Variants in SLC45A4 observed in about 807,000 individuals in gnomAD.
SLC45A4 encodes the protein solute carrier family 45 member 4.
A neutral mutation model predicts 63.7 loss-of-function variants in SLC45A4; 32 were observed. That is an observed-to-expected ratio of 0.50 (90% CI 0.38 to 0.67). The LOEUF is 0.67. SLC45A4 is among the 30% of genes least tolerant of loss of function. The pLI is 0.00. For missense variants in SLC45A4, 1,027 were observed against 1,157.7 expected, an observed-to-expected ratio of 0.89 and a Z score of 1.64; for synonymous variants, 535 against 510.0, an observed-to-expected ratio of 1.05 and a Z score of -0.66.
In SLC45A4 at chr8:141,221,601, G is replaced by T; in HGVS notation, c.406C>A (p.Leu136Ile). 2 of 1,613,452 alleles carry T rather than the reference G, an allele frequency of 1.2e-6. No homozygotes were observed. ...LCVGVLFGVA[L>I]FLNGSAIGLA... ...CCGATGGCAGAGCCGTTAAGGAAAA[G>T]TGCAACGCCAAAGAGGACGCCAACG... The change falls in exon 3 of 9, where the codon CTT becomes ATT. Residue 136 changes from leucine to isoleucine, a missense_variant. Coordinates refer to ENST00000517878, the MANE Select transcript of SLC45A4 (RefSeq NM_001286646.2).
chr8:141,274,272 G>A (rs554291902), intron 1 of SLC45A4, among the ~76,000 whole-genome samples: 51 of 152,006 alleles, frequency 3.4e-4, no homozygotes, highest in South Asian at 1.9e-3. Context: ...GGTAGCTCAC[G>A]CCTGTAATCC....
chr8:141,228,617 C>T, intron 2 of SLC45A4: 1 of 1,095,052 alleles, frequency 9.1e-7, no homozygotes, highest in Non-Finnish European at 1.1e-6. Flanking sequence ...GATGTTGCAA[C>T]AAGCAAACAT....
intron 2 of SLC45A4, among the ~76,000 whole-genome samples, chr8:141,235,681 T>TA (rs1436141956): frequency 6.6e-6 from 1 of 151,994 alleles, no homozygotes; most frequent in Non-Finnish European, 1.5e-5. Context: ...TGCTCCGAGG[T>TA]AAAAAACAAA....
chr8:141,223,506 C>T (rs563394638), intron 2 of SLC45A4, among the ~76,000 whole-genome samples: 14 of 152,336 alleles, frequency 9.2e-5, no homozygotes, highest in Non-Finnish European at 1.9e-4. Flanking sequence ...GCAGACTGTA[C>T]CAATGTATGT....
At chr8:141,248,547 G>A (rs1828322546) in intron 2 of SLC45A4, among the ~76,000 whole-genome samples, 1 of 152,058 alleles carries the variant, frequency 6.6e-6, no homozygotes, top group South Asian at 2.1e-4. Flanking sequence ...TTCAGCCTGG[G>A]AAACAGAGTC....
At position 141,256,577 on chromosome 8, in the gene SLC45A4, G is replaced by A. The variant is rs1055816406; in HGVS notation, c.-400-1948C>T. On this transcript the variant is annotated intron_variant, in intron 1 of 8. Coordinates refer to ENST00000517878, the MANE Select transcript of SLC45A4 (RefSeq NM_001286646.2). The surrounding 1 kb of genome is among the most constrained non-coding windows in gnomAD (Gnocchi z 4.3). ...GTACAGGAGGTTCTGGAAGGAAGCC[G>A]TGCGCCTGGCTCTTACGTCCCAGCT... is the stretch of plus-strand genomic sequence containing the variant. The A allele has an allele frequency of 2.2e-5, 10 of 456,100 alleles. No homozygotes were observed. The highest frequency in any genetic ancestry group is 2.1e-4 in the East Asian group (3 of 14,376). The allele number at this position is 456,100 out of a possible 1,614,324, so 28.3% of individuals were successfully genotyped here. A position where few individuals can be genotyped will look rare whatever the true frequency, so the allele number is the denominator to read the frequency against.
chr8:141,216,860 A>C (rs1826184509), intron 6 of SLC45A4, among the ~76,000 whole-genome samples: 1 of 152,202 alleles, frequency 6.6e-6, no homozygotes, highest in Non-Finnish European at 1.5e-5. Flanking sequence ...AGGCCCCAAA[A>C]GGGTCTCAGA....
At chr8:141,219,267 C>T (rs913159074) in intron 4 of SLC45A4, among the ~76,000 whole-genome samples, 4 of 152,264 alleles carry the variant, frequency 2.6e-5, no homozygotes, top group Non-Finnish European at 2.9e-5. Flanking sequence ...TACCCCAGGA[C>T]GGATGCAAGT....
chr8:141,244,824 G>A (rs1245620193), intron 2 of SLC45A4, among the ~76,000 whole-genome samples: 1 of 152,102 alleles, frequency 6.6e-6, no homozygotes, highest in Non-Finnish European at 1.5e-5. Flanking sequence ...CAGGACAAGA[G>A]TGAGGGAGGG....
intron 1 of SLC45A4, among the ~76,000 whole-genome samples, chr8:141,270,677 C>T (rs569767005): frequency 2.6e-5 from 4 of 152,212 alleles, no homozygotes; most frequent in African/African-American, 9.6e-5. Flanking sequence ...GTGTCCAATG[C>T]CAGCGTGACC....
chr8:141,295,697 C>T (rs910909989), intron 1 of SLC45A4, among the ~76,000 whole-genome samples: 4 of 152,224 alleles, frequency 2.6e-5, no homozygotes, highest in African/African-American at 7.2e-5. Flanking sequence ...CCTCGATTGA[C>T]CACTCGGAAC....
intron 2 of SLC45A4, among the ~76,000 whole-genome samples, chr8:141,244,957 T>TGGGGGGGGGGGGGGGGGGGGGG (rs1243475649): frequency 2.4e-4 from 2 of 8,412 alleles, no homozygotes; most frequent in Admixed American, 1.2e-3. Context: ...AAGACGTGGG[T>TGGGGGGGGGGGGGGGGGGGGGG]GGGGGGGGGG....
intron 1 of SLC45A4, among the ~76,000 whole-genome samples, chr8:141,263,108 G>A (rs531653564): frequency 5.3e-5 from 8 of 150,412 alleles, no homozygotes; most frequent in African/African-American, 9.8e-5. Context: ...GTAAACTATC[G>A]CAAGGACAAA....
At chr8:141,212,604 G>A (rs1254525580) in intron 7 of SLC45A4, 48 bp from the exon 8 acceptor site, 2 of 1,534,056 alleles carry the variant, frequency 1.3e-6, no homozygotes, top group East Asian at 4.6e-5. Context: ...GAAGGTGGCT[G>A]CTACCCGTGC....
Position 141,208,584 on chromosome 8 carries a change from G to C in SLC45A4, c.*2988C>G, listed in dbSNP as rs568666582. The C allele has an allele frequency of 6.6e-6, 1 of 152,628 alleles. No homozygotes were observed. The highest frequency in any genetic ancestry group is 2.1e-4 in the South Asian group (1 of 4,836). The allele number at this position is 152,628 out of a possible 1,614,324, so 9.5% of individuals were successfully genotyped here. ...GGCTTTCAAGGGCAGGTGTCCAAGA[G>C]GCAGCACACAGCACTGACGTGTTCA... On this transcript the variant is annotated 3_prime_UTR_variant, in exon 9 of 9. Transcript: ENST00000517878.
Position 141,218,689 on chromosome 8 carries a change from C to A in SLC45A4, c.951G>T (p.Ala317=), listed in dbSNP as rs781226365. Residue 317 remains alanine, a synonymous_variant, in exon 5 of 9, where the codon GCG becomes GCT. Transcript: ENST00000517878. ...ACAGCAGCTCGGGCTCCAGGTCCAGCGCGGTGTCCGGCACGTGCAATGCCG... is the reference window on the plus strand; with the variant it reads ...ACAGCAGCTCGGGCTCCAGGTCCAGAGCGGTGTCCGGCACGTGCAATGCCG... ...SDSALHVPDT[A]LDLEPELLFL... 8.1e-6 allele frequency: 13 copies of A among 1,612,612 alleles called. No individual in the cohort carries two copies. Among genetic ancestry groups the A allele is most frequent in the Non-Finnish European group, 3.4e-6 (4 of 1,179,420 alleles).
chr8:141,237,975 T>C (rs1377059815), intron 2 of SLC45A4, among the ~76,000 whole-genome samples: 3 of 152,262 alleles, frequency 2.0e-5, no homozygotes, highest in African/African-American at 7.2e-5. Context: ...TGCAAGGAAA[T>C]CCAGGCTTCC....
intron 2 of SLC45A4, among the ~76,000 whole-genome samples, chr8:141,240,627 A>C (rs1203592453): frequency 6.6e-6 from 1 of 152,172 alleles, no homozygotes; most frequent in African/African-American, 2.4e-5. Flanking sequence ...TTGTCCCAGC[A>C]CTTGGGGAGG....
intron 2 of SLC45A4, chr8:141,228,101 G>A (rs1328846318): frequency 2.0e-5 from 31 of 1,580,424 alleles, no homozygotes; most frequent in Admixed American, 1.7e-4. Context: ...TTGGGTGCCC[G>A]AGAGGCTGTG....
Sources: allele counts gnomAD v4.1 joint callset (sites outside exome capture counted in the v4.1 genomes callset), GRCh38; gene constraint gnomAD v4.1.1; non-coding constraint Gnocchi (gnomAD v3.1); transcripts MANE v1.5; gene names NCBI Gene and HGNC (gene_info 2026-07-23, HGNC 2026-07-21).